Variants in EHD3 observed in about 807,000 individuals in gnomAD.
EHD3 encodes EH domain-containing protein 3.
A neutral mutation model predicts 43.0 loss-of-function variants in EHD3; 17 were observed. That is an observed-to-expected ratio of 0.40 (90% CI 0.27 to 0.59). The LOEUF (loss-of-function observed/expected upper bound fraction) is 0.59. Ranked by LOEUF, EHD3 falls within the 20% of genes least tolerant of loss-of-function variation. The pLI is 0.49. For synonymous variants in EHD3, 313 were observed against 289.5 expected, an observed-to-expected ratio of 1.08 and a Z score of -0.82; for missense variants, 594 against 705.6, an observed-to-expected ratio of 0.84 and a Z score of 1.79.
chr2:31,235,159 A>G (rs1245180094), intron 1 of EHD3, among the ~76,000 whole-genome samples: 2 of 152,220 alleles, frequency 1.3e-5, no homozygotes, highest in South Asian at 4.2e-4. Flanking sequence ...AGGAGGCACA[A>G]TGGAAGAGCT....
chr2:31,258,050 C>T (rs552639850), intron 3 of EHD3, among the ~76,000 whole-genome samples: 1 of 152,244 alleles, frequency 6.6e-6, no homozygotes, highest in African/African-American at 2.4e-5. Context: ...GCCACAGGAG[C>T]AGGGGGAGAA....
intron 3 of EHD3, among the ~76,000 whole-genome samples, chr2:31,251,107 G>A (rs73922292): frequency 1.5e-4 from 23 of 152,326 alleles, no homozygotes; most frequent in African/African-American, 4.1e-4. Flanking sequence ...GTGTATTGAC[G>A]AGGCCCAAGT....
chr2:31,253,741 G>A (rs980616531), intron 3 of EHD3, among the ~76,000 whole-genome samples: 9 of 152,180 alleles, frequency 5.9e-5, no homozygotes, highest in Non-Finnish European at 1.3e-4. Context: ...GGTGTGTCTT[G>A]TGGGAAGAAG....
At position 31,260,251 on chromosome 2, in the gene EHD3, T is replaced by TAAG. The variant is rs893213310; in HGVS notation, c.503-257_503-255dup. On this transcript the variant is annotated intron_variant, in intron 3 of 5. Coordinates refer to ENST00000322054, the MANE Select transcript of EHD3 (RefSeq NM_014600.3). The surrounding 1 kb of genome is among the most constrained non-coding windows in gnomAD (Gnocchi z 4.6). ...TGAGCACCTACTAAGTGCCGGATTCTAAGAGTATTTAATCTTCATAGTTCT... is the reference window on the plus strand; with the variant it reads ...TGAGCACCTACTAAGTGCCGGATTCTAAGAAGAGTATTTAATCTTCATAGTTCT... Among the ~76,000 whole-genome samples the TAAG allele has an allele frequency of 9.2e-5, 14 of 152,336 alleles. No individual in the cohort carries two copies. Among genetic ancestry groups the TAAG allele is most frequent in the Non-Finnish European group, 1.9e-4 (13 of 68,034 alleles).
chr2:31,246,156 G>A (rs35425044), intron 2 of EHD3, among the ~76,000 whole-genome samples: 73,831 of 151,740 alleles, frequency 0.49, 20,222 homozygotes, highest in East Asian at 0.75. Flanking sequence ...TGAGGAGGTC[G>A]TGGTGGTAAG....
intron 5 of EHD3, among the ~76,000 whole-genome samples, chr2:31,264,839 G>C (rs674569): frequency 0.86 from 130,433 of 152,236 alleles, 56,299 homozygotes; most frequent in African/African-American, 0.95. Context: ...AGCCTACAAA[G>C]TTTTTGACTC....
Position 31,244,454 on chromosome 2 carries a change from A to C in EHD3, c.404+4A>C. ...TTGGCAACGCCTTCTTGAACAGGTG[A>C]GTGTGGAGGGAACACAACACTTTCA... is the stretch of plus-strand genomic sequence containing the variant. On this transcript the variant is annotated splice_donor_region_variant and intron_variant, in intron 2 of 5. Transcript: ENST00000322054. 6.2e-7 allele frequency: 1 copy of C among 1,613,178 alleles called. No homozygotes were observed. Among genetic ancestry groups the C allele is most frequent in the Non-Finnish European group, 8.5e-7 (1 of 1,179,512 alleles).
intron 2 of EHD3, among the ~76,000 whole-genome samples, chr2:31,245,545 ATATATATATTTTTTTT>A (rs1157628300): frequency 7.5e-4 from 45 of 59,928 alleles, no homozygotes; most frequent in African/African-American, 3.0e-3. Flanking sequence ...ATATATATAT[ATATATATATTTTTTTT>A]TTTTTTTTTT....
At chr2:31,235,210 C>A (rs566893779) in intron 1 of EHD3, among the ~76,000 whole-genome samples, 2 of 152,212 alleles carry the variant, frequency 1.3e-5, no homozygotes, top group South Asian at 4.1e-4. Flanking sequence ...GGATGTCTTA[C>A]GTCTTCACTT....
chr2:31,257,015 G>C (rs1373535828), intron 3 of EHD3, among the ~76,000 whole-genome samples: 1 of 152,228 alleles, frequency 6.6e-6, no homozygotes, highest in Non-Finnish European at 1.5e-5. Context: ...TTGCTGGACA[G>C]GTGAGAGGGA....
chr2:31,246,646 A>G (rs1195055525), intron 2 of EHD3, among the ~76,000 whole-genome samples: 1 of 152,252 alleles, frequency 6.6e-6, no homozygotes, highest in East Asian at 1.9e-4. Context: ...CATTCCTGAG[A>G]GCTGAGCGCC....
intron 3 of EHD3, among the ~76,000 whole-genome samples, chr2:31,258,131 G>A (rs1024558131): frequency 9.2e-5 from 14 of 152,164 alleles, no homozygotes; most frequent in Non-Finnish European, 5.9e-5. Context: ...ACATGGCAAT[G>A]GGAATGCTTG....
intron 3 of EHD3, among the ~76,000 whole-genome samples, chr2:31,252,456 TTTG>T (rs368487066): frequency 3.3e-5 from 5 of 152,110 alleles, no homozygotes; most frequent in African/African-American, 7.2e-5. Flanking sequence ...TATTTCTGTT[TTTG>T]TTGTTGTTGT....
intron 1 of EHD3, 36 bp from the exon 2 acceptor site, chr2:31,244,238 G>A (rs1683477603): frequency 1.3e-6 from 2 of 1,589,302 alleles, no homozygotes; most frequent in Non-Finnish European, 1.7e-6. Flanking sequence ...TCTTTGCGCA[G>A]AACGCCTGCA....
In EHD3 at chr2:31,247,145, C is replaced by T. The variant is rs1683538440; in HGVS notation, c.405-2226C>T. Among the ~76,000 whole-genome samples, 5 of 152,182 alleles carry T rather than the reference C, an allele frequency of 3.3e-5. No homozygotes were observed. The South Asian group carries it at 1.0e-3, about 31-fold the overall frequency. ...CTCCTGGCCTCAAGTGATCCGCCCACCTTGGCCTCCCAAAGTGCTGGGTTT... is the reference window on the plus strand; with the variant it reads ...CTCCTGGCCTCAAGTGATCCGCCCATCTTGGCCTCCCAAAGTGCTGGGTTT... On this transcript the variant is annotated intron_variant, in intron 2 of 5. Coordinates refer to ENST00000322054, the MANE Select transcript of EHD3 (RefSeq NM_014600.3).
chr2:31,243,273 A>G (rs971311158), intron 1 of EHD3, among the ~76,000 whole-genome samples: 1 of 152,060 alleles, frequency 6.6e-6, no homozygotes, highest in Non-Finnish European at 1.5e-5. Flanking sequence ...ATGACACTCC[A>G]TGTCAGCAAG....
At chr2:31,249,571 T>G in intron 3 of EHD3, 103 bp downstream of exon 3, 4 of 1,023,870 alleles carry the variant, frequency 3.9e-6, no homozygotes, top group South Asian at 1.5e-5. Context: ...TGCTGTCCCT[T>G]GGTGAGCCGG....
At chr2:31,238,261 C>T (rs1316268472) in intron 1 of EHD3, among the ~76,000 whole-genome samples, 1 of 152,142 alleles carries the variant, frequency 6.6e-6, no homozygotes, top group Non-Finnish European at 1.5e-5. Context: ...TGCTTCTTGC[C>T]TTGATTCTTG....
At chr2:31,235,064 C>T (rs1487659740) in intron 1 of EHD3, among the ~76,000 whole-genome samples, 1 of 152,144 alleles carries the variant, frequency 6.6e-6, no homozygotes, top group Non-Finnish European at 1.5e-5. Context: ...TCTACTTGGC[C>T]CTTGGCTGTG....
Sources: allele counts gnomAD v4.1 joint callset (sites outside exome capture counted in the v4.1 genomes callset), GRCh38; gene constraint gnomAD v4.1.1; non-coding constraint Gnocchi (gnomAD v3.1); transcripts MANE v1.5; gene names NCBI Gene and HGNC (gene_info 2026-07-23, HGNC 2026-07-21).